The following IQGAP1 variants were observed in gnomAD, a reference collection of about 807,000 sequenced individuals.
IQGAP1 encodes IQ motif containing GTPase activating protein 1, also known as ras GTPase-activating-like protein IQGAP1.
A neutral mutation model predicts 215.6 loss-of-function variants in IQGAP1; 66 were observed. The ratio of observed to expected loss-of-function variants is 0.31; its 90% CI spans 0.25 to 0.38. IQGAP1 has a LOEUF of 0.38. Among genes scored for constraint, IQGAP1 ranks in the 10% least tolerant of loss-of-function variants. The pLI, the probability that IQGAP1 is intolerant of heterozygous loss-of-function variation, is 1.00. For synonymous variants in IQGAP1, 772 were observed against 728.7 expected (o/e 1.06, Z -0.96); for missense variants, 1,712 against 1,997.1 (o/e 0.86, Z 2.72).
At chr15:90,403,658 C>T (rs1054859864) in intron 2 of IQGAP1, among the ~76,000 whole-genome samples, 3 of 152,166 alleles carry the variant, frequency 2.0e-5, no homozygotes, top group African/African-American at 4.8e-5. Flanking sequence ...GCACACTGTA[C>T]ATTTTGCTTT....
intron 9 of IQGAP1, among the ~76,000 whole-genome samples, chr15:90,446,326 A>T (rs1297717056): frequency 1.3e-5 from 2 of 152,212 alleles, no homozygotes; most frequent in Non-Finnish European, 2.9e-5. Context: ...TATTATTATT[A>T]TGTAGTCAGA....
chr15:90,481,983 C>G lies in IQGAP1; in HGVS notation c.3353C>G (p.Pro1118Arg). 6 of 1,614,240 alleles carry G rather than the reference C, an allele frequency of 3.7e-6. No individual in the cohort carries two copies. The highest frequency in any genetic ancestry group is 5.1e-6 in the Non-Finnish European group (6 of 1,180,044). The change falls in exon 27 of 38, where the codon CCT becomes CGT. Residue 1118 changes from proline to arginine, a missense_variant. This residue lies in a region of IQGAP1 where 691 missense variants were observed against 923.0 expected (regional missense o/e 0.75). Coordinates refer to ENST00000268182, the MANE Select transcript of IQGAP1 (RefSeq NM_003870.4). ...EASKLPYDVT[P>R]EQALAHEEVK... ...AGCAAACTGCCCTATGATGTGACCC[C>G]TGAGCAGGCGCTAGCTCATGAAGAA...
At chr15:90,437,472 G>C (rs1053365423) in intron 5 of IQGAP1, among the ~76,000 whole-genome samples, 1 of 152,076 alleles carries the variant, frequency 6.6e-6, no homozygotes, top group Non-Finnish European at 1.5e-5. Context: ...TGATGTATTA[G>C]TGAGAAAAAT....
rs774202598 is a variant in IQGAP1 at position 90,486,016 on chromosome 15, A to G, written c.3922-14A>G. 21 of 1,602,024 alleles carry G rather than the reference A, an allele frequency of 1.3e-5. No homozygotes were observed. The highest frequency in any genetic ancestry group is 1.8e-5 in the Non-Finnish European group (21 of 1,169,638). ...GTTGAATGTATAAATGGAGTTGATC[A>G]TTGGTGTTTGCAGCTCCTGTTGGAT... is the stretch of plus-strand genomic sequence containing the variant. On this transcript the variant is annotated splice_polypyrimidine_tract_variant and intron_variant, in intron 30 of 37. Transcript: ENST00000268182.
chr15:90,480,513 T>C (rs955609113), intron 26 of IQGAP1, among the ~76,000 whole-genome samples: 2 of 152,230 alleles, frequency 1.3e-5, no homozygotes, highest in African/African-American at 4.8e-5. Flanking sequence ...TAATAAAATA[T>C]ACAATATTCT....
chr15:90,448,505 G>A, intron 9 of IQGAP1, 68 bp from the exon 10 acceptor site: 1 of 1,389,370 alleles, frequency 7.2e-7, no homozygotes, highest in Non-Finnish European at 9.6e-7. Flanking sequence ...TGGTTTTGGG[G>A]AAGGAAAACT....
intron 30 of IQGAP1, 71 bp downstream of exon 30, chr15:90,484,423 C>G: frequency 7.6e-7 from 1 of 1,324,158 alleles, no homozygotes; most frequent in Non-Finnish European, 1.1e-6. Flanking sequence ...CTTATCATCT[C>G]TGGTAGCCAG....
chr15:90,441,500 T>G lies in IQGAP1; in HGVS notation c.650-6T>G. On this transcript the variant is annotated splice_region_variant and splice_polypyrimidine_tract_variant and intron_variant, in intron 7 of 37. Coordinates refer to ENST00000268182, the MANE Select transcript of IQGAP1 (RefSeq NM_003870.4). ...TGTTGGTTTGTTTTTTTGTTTTTTT[T>G]TTTAGTACATGCTGCTGTTATTGCT... 6.3e-7 allele frequency: 1 copy of G among 1,599,018 alleles called. No individual in the cohort carries two copies. The highest frequency in any genetic ancestry group is 8.5e-7 in the Non-Finnish European group (1 of 1,175,346).
intron 15 of IQGAP1, among the ~76,000 whole-genome samples, chr15:90,465,497 A>G (rs1020357353): frequency 1.3e-5 from 2 of 151,966 alleles, no homozygotes; most frequent in Non-Finnish European, 2.9e-5. Flanking sequence ...CATTTCCCTT[A>G]TCTTATGACC....
intron 5 of IQGAP1, among the ~76,000 whole-genome samples, chr15:90,435,834 G>T (rs772831973): frequency 1.3e-5 from 2 of 152,172 alleles, no homozygotes; most frequent in Non-Finnish European, 2.9e-5. Flanking sequence ...AGAGCAGTGT[G>T]TTTCGTGATT....
Position 90,394,052 on chromosome 15 carries a change from T to C in IQGAP1, c.155+3179T>C, listed in dbSNP as rs1490832580. ...CGGGAGGCTGAGGCAGGAGAATTGC[T>C]TGAACCCGGGAGGCAGAGCTTGCGG... On this transcript the variant is annotated intron_variant, in intron 2 of 37. Transcript: ENST00000268182. Among the ~76,000 whole-genome samples the C allele has an allele frequency of 5.9e-5, 9 of 151,464 alleles. No individual in the cohort carries two copies. The East Asian group carries it at 1.6e-3, about 26-fold the overall frequency.
chr15:90,414,889 T>C (rs1171588817), intron 2 of IQGAP1, among the ~76,000 whole-genome samples: 1 of 152,218 alleles, frequency 6.6e-6, no homozygotes. Flanking sequence ...CTTTTGTGGG[T>C]GTCCCCATTC....
At chr15:90,468,667 C>CA (rs1965864935) in intron 18 of IQGAP1, among the ~76,000 whole-genome samples, 1 of 151,866 alleles carries the variant, frequency 6.6e-6, no homozygotes, top group Non-Finnish European at 1.5e-5. Context: ...CTCATCTCTG[C>CA]AAAAAATACA....
Position 90,482,078 on chromosome 15 carries a change from G to T in IQGAP1, c.3448G>T (p.Val1150Phe). Residue 1150 changes from valine to phenylalanine, a missense_variant, in exon 27 of 38, where the codon GTC becomes TTC. By Grantham distance (50) the Val-to-Phe change is conservative. Around this residue, in one of 2 missense-constraint regions of IQGAP1, gnomAD observed 691 missense variants for 923.0 expected, o/e 0.75. Coordinates refer to ENST00000268182, the MANE Select transcript of IQGAP1 (RefSeq NM_003870.4). ...AVTDKFLSAI[V>F]SSVDKIPYGM... is the part of the protein sequence containing the mutation. ...GACAGACAAGTTTCTCTCAGCCATT[G>T]TCAGCTCTGTGGACAAAATCCCGTG... The T allele has an allele frequency of 6.2e-7, 1 of 1,614,236 alleles. No homozygotes were observed. The highest frequency in any genetic ancestry group is 8.5e-7 in the Non-Finnish European group (1 of 1,180,040).
chr15:90,487,320 A>G, intron 32 of IQGAP1, 175 bp from the exon 33 acceptor site: 3 of 656,812 alleles, frequency 4.6e-6, no homozygotes, highest in Non-Finnish European at 8.1e-6. Flanking sequence ...CCTCGTACCT[A>G]CTTATGGAAT....
At chr15:90,453,445 T>G (rs1020389593) in intron 13 of IQGAP1, among the ~76,000 whole-genome samples, 153 bp downstream of exon 13, 4 of 152,278 alleles carry the variant, frequency 2.6e-5, no homozygotes, top group Admixed American at 2.0e-4. Flanking sequence ...TTCTTTGTTA[T>G]GCTGAAAAAT....
rs186269418 is a variant in IQGAP1 at position 90,425,609 on chromosome 15, T to C, written c.156-501T>C. On this transcript the variant is annotated intron_variant, in intron 2 of 37. Coordinates refer to ENST00000268182, the MANE Select transcript of IQGAP1 (RefSeq NM_003870.4). ...TCCATAGGAGTTTCTTTTAATATTT[T>C]AGCTGAAATAATTGAGTCTGTTTTG... 5.6e-3 allele frequency among the ~76,000 whole-genome samples: 858 copies of C among 152,340 alleles called. 6 individuals are homozygous for C. Among genetic ancestry groups the C allele is most frequent in the African/African-American group, 0.02 (823 of 41,566 alleles).
chr15:90,389,734 A>C (rs2601190), intron 1 of IQGAP1, among the ~76,000 whole-genome samples: 85,226 of 150,226 alleles, frequency 0.57, 25,731 homozygotes, highest in East Asian at 0.82. Flanking sequence ...GTGAGAGGAT[A>C]GTTTGAGGCC....
Sources: gnomAD v4.1 joint callset for allele counts (sites outside exome capture counted in the v4.1 genomes callset) on GRCh38, gnomAD v4.1.1 for gene constraint, gnomAD v4.1.1 regional missense constraint, MANE v1.5 for transcripts, NCBI Gene and HGNC (gene_info 2026-07-23, HGNC 2026-07-21) for gene names.